The following ZNF780A variants were observed in gnomAD, a reference collection of about 807,000 sequenced individuals.
ZNF780A encodes the protein zinc finger protein 780A.
ZNF780A carries 40 observed loss-of-function variants against 56.7 expected under a neutral mutation model. That is an observed-to-expected ratio of 0.71 (90% CI 0.55 to 0.92). The LOEUF is 0.92. Ranked by LOEUF, ZNF780A falls within the 40% of genes least tolerant of loss-of-function variation. The probability of loss-of-function intolerance (pLI) is 0.00; values close to 1 mark genes in which losing one functional copy is unlikely to be tolerated. For missense variants in ZNF780A, 672 were observed against 783.3 expected (o/e 0.86, Z 1.70); for synonymous variants, 231 against 248.3 (o/e 0.93, Z 0.66).
chr19:40,083,713 C>A (rs1974620661), intron 3 of ZNF780A, among the ~76,000 whole-genome samples: 1 of 146,456 alleles, frequency 6.8e-6, no homozygotes, highest in Non-Finnish European at 1.5e-5. Context: ...AAAGAATGTT[C>A]TTAATCCTCA....
rs998050999 is a variant in ZNF780A at position 40,074,253 on chromosome 19, C to A, written c.*263G>T. 1.4e-6 allele frequency: 2 copies of A among 1,462,170 alleles called. No individual in the cohort carries two copies. Among genetic ancestry groups the A allele is most frequent in the African/African-American group, 2.8e-5 (2 of 70,682 alleles). The allele number at this position is 1,462,170 out of a possible 1,614,324, so 90.6% of individuals were successfully genotyped here. On this transcript the variant is annotated 3_prime_UTR_variant, in exon 6 of 6. Transcript: ENST00000683561. ...TGTCAGAAAACTGAAGGCCTTTCCACATTCTTTACATTCAAAGGGTTTTTT... is the reference window on the plus strand; with the variant it reads ...TGTCAGAAAACTGAAGGCCTTTCCAAATTCTTTACATTCAAAGGGTTTTTT...
chr19:40,085,893 C>A (rs575457565), intron 2 of ZNF780A, among the ~76,000 whole-genome samples: 20 of 151,650 alleles, frequency 1.3e-4, no homozygotes, highest in African/African-American at 4.4e-4. Context: ...AAAATTGTAA[C>A]TACATCCAAG....
At chr19:40,076,648 G>A (rs1394549415) in intron 5 of ZNF780A, among the ~76,000 whole-genome samples, 3 of 152,118 alleles carry the variant, frequency 2.0e-5, no homozygotes, top group Non-Finnish European at 4.4e-5. Context: ...GGGGCCTGGG[G>A]ATCACCCCAC....
chr19:40,076,320 T>C (rs1039478613), intron 5 of ZNF780A, 111 bp from the exon 6 acceptor site: 9 of 1,153,556 alleles, frequency 7.8e-6, no homozygotes, highest in Non-Finnish European at 1.1e-5. Flanking sequence ...CCTTTATTGA[T>C]TTTATTAGCC....
At chr19:40,090,610 G>C (rs1568461914) in intron 1 of ZNF780A, 1 of 152,364 alleles carries the variant, frequency 6.6e-6, no homozygotes, top group Non-Finnish European at 1.5e-5. Flanking sequence ...TAGGGGCACC[G>C]GCACAGTGTC....
chr19:40,080,929 C>T (rs1430577032), intron 5 of ZNF780A, among the ~76,000 whole-genome samples: 1 of 151,966 alleles, frequency 6.6e-6, no homozygotes, highest in Admixed American at 6.6e-5. Context: ...TCACCGTATA[C>T]AAAAATCAAC....
rs1308355912 is a variant in ZNF780A at position 40,084,767 on chromosome 19, C to T, written c.-14G>A. On this transcript the variant is annotated 5_prime_UTR_variant, in exon 3 of 6. Coordinates refer to ENST00000683561, the MANE Select transcript of ZNF780A (RefSeq NM_001142578.2). ...TACATGGACCATGTTGCTAGAATTA[C>T]AAAACTGGTCAATCTTCCTCGGGCT... The T allele has an allele frequency of 1.9e-6, 3 of 1,552,828 alleles. No homozygotes were observed. The highest frequency in any genetic ancestry group is 1.4e-5 in the African/African-American group (1 of 73,120).
downstream of ZNF780A, chr19:40,071,110 T>C (rs1973803020): frequency 6.6e-6 from 1 of 152,096 alleles, no homozygotes; most frequent in African/African-American, 2.4e-5. Context: ...TGTTAAGAAA[T>C]AGAATTAAGT....
chr19:40,088,823 A>C (rs1208188347), intron 2 of ZNF780A, among the ~76,000 whole-genome samples: 5 of 152,242 alleles, frequency 3.3e-5, no homozygotes, highest in Admixed American at 2.6e-4. Flanking sequence ...AGGGAATACT[A>C]TTTAGCCATA....
In ZNF780A at chr19:40,075,649, C is replaced by A; in HGVS notation, c.793G>T (p.Val265Phe). ...CCAGAATGAATACTCTGATGTTGAA[C>A]AAGGTTTGAGCTACGATTAAAGGAC... Reference protein sequence around the residue: ...GKSFNRSSNLVQHQSIHSGVK... With the variant: ...GKSFNRSSNLFQHQSIHSGVK... Residue 265 changes from valine (V) to phenylalanine (F), a missense_variant, in exon 6 of 6, where the codon GTT (valine) becomes TTT (phenylalanine). By Grantham distance (50) the Val-to-Phe change is conservative. Coordinates refer to ENST00000683561, the MANE Select transcript of ZNF780A (RefSeq NM_001142578.2). 1.2e-6 allele frequency: 2 copies of A among 1,612,274 alleles called. No individual in the cohort carries two copies. Among genetic ancestry groups the A allele is most frequent in the South Asian group, 1.1e-5 (1 of 90,986 alleles).
At chr19:40,089,978 A>G (rs746676115) in intron 2 of ZNF780A, among the ~76,000 whole-genome samples, 188 bp downstream of exon 2, 2 of 152,202 alleles carry the variant, frequency 1.3e-5, no homozygotes, top group Non-Finnish European at 2.9e-5. Flanking sequence ...ACCAGCTTCG[A>G]AAAAGAGAGC....
chr19:40,080,243 C>T (rs1457341055), intron 5 of ZNF780A, among the ~76,000 whole-genome samples: 1 of 152,152 alleles, frequency 6.6e-6, no homozygotes, highest in Admixed American at 6.5e-5. Context: ...ACTAATTCTC[C>T]TCAAACTATT....
Position 40,090,903 on chromosome 19 carries a change from T to TAG in ZNF780A, c.-116+2_-116+3insCT, listed in dbSNP as rs1975132303. On this transcript the variant is annotated splice_region_variant and intron_variant, in intron 1 of 5. Coordinates refer to ENST00000683561, the MANE Select transcript of ZNF780A (RefSeq NM_001142578.2). ...ATCTCTTCCTCAGACGTGAAGACCT[T>TAG]ACCCCGCTATGTCGTCGACCCCGGA... is the stretch of plus-strand genomic sequence containing the variant. 1 of 152,350 alleles carries TAG rather than the reference T, an allele frequency of 6.6e-6. No individual in the cohort carries two copies. The highest frequency in any genetic ancestry group is 1.5e-5 in the Non-Finnish European group (1 of 68,162). 9.4% of individuals were successfully genotyped at this position (152,350 alleles called of 1,614,324 possible).
chr19:40,070,313 C>G (rs1334473495), downstream of ZNF780A: 3 of 152,082 alleles, frequency 2.0e-5, no homozygotes, highest in African/African-American at 7.2e-5. Context: ...ATTGAATTGA[C>G]CTGTCACTTT....
chr19:40,072,812 T>C, downstream of ZNF780A: 1 of 1,488,962 alleles, frequency 6.7e-7, no homozygotes, highest in Non-Finnish European at 8.9e-7. Context: ...CTTTACTAAG[T>C]GCCACTGTTG....
rs556163499 is a variant in ZNF780A at position 40,087,873 on chromosome 19, G to A, written c.-46+2293C>T. ...TAAATCCATATATTTATAACCAACC[G>A]AGTTTTGAGGAGGGTACCAAGAACA... is the stretch of plus-strand genomic sequence containing the variant. On this transcript the variant is annotated intron_variant, in intron 2 of 5. Transcript: ENST00000683561. 8.5e-5 allele frequency among the ~76,000 whole-genome samples: 13 copies of A among 152,228 alleles called. No homozygotes were observed. The East Asian group carries it at 2.3e-3, about 27-fold the overall frequency.
In ZNF780A at chr19:40,074,717, A is replaced by T; in HGVS notation, c.1725T>A (p.His575Gln). The T allele has an allele frequency of 6.2e-7, 1 of 1,614,160 alleles. No individual in the cohort carries two copies. Among genetic ancestry groups the T allele is most frequent in the South Asian group, 1.1e-5 (1 of 91,074 alleles). The stretch of plus-strand genomic sequence containing the variant: ...GTTTCTCACCAGTATGCAATTTCTG[A>T]TGTCGAATAAGGTGCATATGAAGTC... ...AFRLHMHLIR[H>Q]QKLHTGEKPF... The change falls in exon 6 of 6, where the codon CAT (histidine) becomes CAA (glutamine). Residue 575 changes from histidine (H) to glutamine (Q), a missense_variant. Coordinates refer to ENST00000683561, the MANE Select transcript of ZNF780A (RefSeq NM_001142578.2).
chr19:40,084,661 G>A, intron 3 of ZNF780A, 84 bp downstream of exon 3: 3 of 1,388,528 alleles, frequency 2.2e-6, no homozygotes, highest in Non-Finnish European at 2.9e-6. Flanking sequence ...TGAATTCTAG[G>A]TACGAAGCTT....
In ZNF780A at chr19:40,074,245, C is replaced by A; in HGVS notation, c.*271G>T. On this transcript the variant is annotated 3_prime_UTR_variant, in exon 6 of 6. Coordinates refer to ENST00000683561, the MANE Select transcript of ZNF780A (RefSeq NM_001142578.2). ...GCAAGCTGTGTCAGAAAACTGAAGGCCTTTCCACATTCTTTACATTCAAAG... is the reference window on the plus strand; with the variant it reads ...GCAAGCTGTGTCAGAAAACTGAAGGACTTTCCACATTCTTTACATTCAAAG... 1 of 1,455,928 alleles carries A rather than the reference C, an allele frequency of 6.9e-7. No individual in the cohort carries two copies. The highest frequency in any genetic ancestry group is 9.1e-7 in the Non-Finnish European group (1 of 1,099,654). 90.2% of individuals were successfully genotyped at this position (1,455,928 alleles called of 1,614,324 possible).
Sources: allele counts gnomAD v4.1 joint callset (sites outside exome capture counted in the v4.1 genomes callset), GRCh38; gene constraint gnomAD v4.1.1; transcripts MANE v1.5; gene names NCBI Gene and HGNC (gene_info 2026-07-23, HGNC 2026-07-21).